TMEM80: variants seen among roughly 807,000 people sequenced by gnomAD.
TMEM80 encodes transmembrane protein 80.
A neutral mutation model predicts 13.6 loss-of-function variants in TMEM80; 16 were observed. The ratio of observed to expected loss-of-function variants is 1.17; its 90% CI spans 0.79 to 1.78. The LOEUF is 1.78. TMEM80 is among the 40% of genes most tolerant of loss of function. The pLI, the probability that TMEM80 is intolerant of heterozygous loss-of-function variation, is 0.00. For missense variants in TMEM80, 167 were observed against 184.6 expected (o/e 0.90, Z 0.55); for synonymous variants, 92 against 89.5 (o/e 1.03, Z -0.16).
At chr11:701,388 AGAGAC>A (rs1312266031) in intron 4 of TMEM80, among the ~76,000 whole-genome samples, 3 of 134,890 alleles carry the variant, frequency 2.2e-5, no homozygotes, top group Non-Finnish European at 4.7e-5. Context: ...TTTTTTTGGT[AGAGAC>A]GAGACAAGGT....
chr11:699,697 A>G lies in TMEM80; in HGVS notation c.40-445A>G, dbSNP rs1861355114. 2.5e-5 allele frequency: 4 copies of G among 156,960 alleles called. No homozygotes were observed. The South Asian group carries it at 7.4e-4, about 29-fold the overall frequency. The allele number at this position is 156,960 out of a possible 1,614,324, so 9.7% of individuals were successfully genotyped here. A position where few individuals can be genotyped will look rare whatever the true frequency, so the allele number is the denominator to read the frequency against. On this transcript the variant is annotated intron_variant, in intron 2 of 4. Coordinates refer to ENST00000397510, the MANE Select transcript of TMEM80 (RefSeq NM_001042463.3). Reference sequence around the variant, plus strand: ...CAGGAGGCGGAGGTTGCAGTGAGCCAAGATTGTGCCACTGCACAGTGTCCA... The same window carrying G: ...CAGGAGGCGGAGGTTGCAGTGAGCCGAGATTGTGCCACTGCACAGTGTCCA...
intron 4 of TMEM80, among the ~76,000 whole-genome samples, chr11:702,326 G>T (rs1861536095): frequency 6.6e-6 from 1 of 152,242 alleles, no homozygotes; most frequent in South Asian, 2.1e-4. Flanking sequence ...GCGGCACAGA[G>T]GCCCGGTTCT....
In TMEM80 at chr11:703,373, G is replaced by A. The variant is rs1861588016; in HGVS notation, c.*223G>A. 7.2e-7 allele frequency: 1 copy of A among 1,385,382 alleles called. No homozygotes were observed. Among genetic ancestry groups the A allele is most frequent in the East Asian group, 2.7e-5 (1 of 37,262 alleles). 85.8% of individuals were successfully genotyped at this position (1,385,382 alleles called of 1,614,324 possible). A position where few individuals can be genotyped will look rare whatever the true frequency, so the allele number is the denominator to read the frequency against. On this transcript the variant is annotated 3_prime_UTR_variant, in exon 5 of 5. Coordinates refer to ENST00000397510, the MANE Select transcript of TMEM80 (RefSeq NM_001042463.3). Reference sequence around the variant, plus strand: ...TTGGGAACAGCTGCGGGGAGGGTAGGGACCAGACAGAACTGCCTTCAAGAT... The same window carrying A: ...TTGGGAACAGCTGCGGGGAGGGTAGAGACCAGACAGAACTGCCTTCAAGAT...
downstream of TMEM80, chr11:705,017 G>A (rs1861653501): frequency 4.1e-6 from 1 of 241,108 alleles, no homozygotes; most frequent in African/African-American, 2.3e-5. Flanking sequence ...AACGGCAAAG[G>A]CTGTAAACCA....
chr11:700,054 CAG>C (rs772722672), intron 2 of TMEM80, 86 bp from the exon 3 acceptor site: 10 of 1,071,832 alleles, frequency 9.3e-6, no homozygotes, highest in African/African-American at 1.6e-5. Flanking sequence ...GGCCACCAAA[CAG>C]ATGACAGAAC....
At chr11:699,900 C>T in intron 2 of TMEM80, 2 of 531,566 alleles carry the variant, frequency 3.8e-6, no homozygotes, top group Non-Finnish European at 6.8e-6. Flanking sequence ...GGCTGCAGTG[C>T]ACAGACCGCA....
chr11:700,605 T>C lies in TMEM80; in HGVS notation c.134-10T>C. On this transcript the variant is annotated splice_polypyrimidine_tract_variant and intron_variant, in intron 3 of 4. Coordinates refer to ENST00000397510, the MANE Select transcript of TMEM80 (RefSeq NM_001042463.3). ...GTTACTTATGTTCCGTCCGCGCCTC[T>C]GCTCTTCAGGTCAGGTGTTCAGCTA... 6.2e-7 allele frequency: 1 copy of C among 1,613,166 alleles called. No individual in the cohort carries two copies. Among genetic ancestry groups the C allele is most frequent in the Non-Finnish European group, 8.5e-7 (1 of 1,179,258 alleles).
downstream of TMEM80, chr11:704,759 C>A: frequency 1.3e-6 from 1 of 767,978 alleles, no homozygotes; most frequent in Non-Finnish European, 1.9e-6. Flanking sequence ...AGAGGCCAGC[C>A]TGGACTGTCT....
At chr11:698,539 T>C (rs1861301702) in intron 1 of TMEM80, among the ~76,000 whole-genome samples, 1 of 152,154 alleles carries the variant, frequency 6.6e-6, no homozygotes. Context: ...CCACAGACAA[T>C]GAGAGCAGCT....
chr11:700,809 A>AT, intron 4 of TMEM80, 102 bp downstream of exon 4: 1 of 1,116,434 alleles, frequency 9.0e-7, no homozygotes. Flanking sequence ...TCTCAGAGAC[A>AT]TTTTTTATCC....
chr11:698,970 G>A (rs1484274971), intron 2 of TMEM80, 82 bp downstream of exon 2: 10 of 1,556,576 alleles, frequency 6.4e-6, no homozygotes, highest in African/African-American at 2.7e-5. Context: ...CTCACCCCAC[G>A]TTTTCCCTAA....
chr11:701,080 A>C (rs1446232726), intron 4 of TMEM80: 2 of 282,650 alleles, frequency 7.1e-6, no homozygotes, highest in Non-Finnish European at 1.4e-5. Context: ...AGAGCCCTGG[A>C]GAGTTCTGCC....
intron 4 of TMEM80, 61 bp downstream of exon 4, chr11:700,768 C>A: frequency 2.1e-6 from 3 of 1,419,128 alleles, no homozygotes; most frequent in South Asian, 1.1e-5. Flanking sequence ...GTTTCCACAG[C>A]CTTTCAAGAG....
chr11:696,806 G>A (rs1213687722), intron 1 of TMEM80, among the ~76,000 whole-genome samples: 2 of 149,254 alleles, frequency 1.3e-5, no homozygotes, highest in African/African-American at 4.9e-5. Flanking sequence ...AAGGCCAGGC[G>A]CAGTAGCTCA....
At chr11:704,412 G>A (rs891854123), downstream of TMEM80, 57 of 1,276,600 alleles carry the variant, frequency 4.5e-5, no homozygotes, top group African/African-American at 1.4e-4. Context: ...GTCCTGGGCC[G>A]ACTTCCTTTG....
Position 702,971 on chromosome 11 carries a change from G to A in TMEM80, c.253G>A (p.Glu85Lys). Residue 85 changes from glutamate to lysine, a missense_variant, in exon 5 of 5, where the codon GAG (glutamate) becomes AAG (lysine). Physicochemically the swap from Glu to Lys is moderately conservative, Grantham distance 56 (BLOSUM62 1). Transcript: ENST00000397510. ...CACCAGGGGCAACCTGACAGAGGCT[G>A]AGAGGCCGCTGGCCGCCAGCCTGGC... ...LGTRGNLTEA[E>K]RPLAASLALT... 6.2e-7 allele frequency: 1 copy of A among 1,610,160 alleles called. No individual in the cohort carries two copies.
chr11:705,009 C>T (rs991109094), downstream of TMEM80: 7 of 243,166 alleles, frequency 2.9e-5, no homozygotes, highest in South Asian at 2.8e-4. Context: ...GGAGATCAAA[C>T]GGCAAAGGCT....
At chr11:700,388 G>A (rs1267138675) in intron 3 of TMEM80, among the ~76,000 whole-genome samples, 153 bp downstream of exon 3, 4 of 151,990 alleles carry the variant, frequency 2.6e-5, no homozygotes, top group South Asian at 2.1e-4. Flanking sequence ...GTAGCCGGGC[G>A]TGGTGGTGGG....
Position 703,023 on chromosome 11 carries a change from C to T in TMEM80, c.305C>T (p.Ser102Phe), listed in dbSNP as rs1458649292. Residue 102 changes from serine (S) to phenylalanine (F), a missense_variant, in exon 5 of 5, where the codon TCT becomes TTT. Transcript: ENST00000397510. ...LALTAGTALL[S>F]AHFLLWQALV... The stretch of plus-strand genomic sequence containing the variant: ...CTCACGGCTGGCACCGCCCTCCTCT[C>T]TGCCCACTTCCTGCTTTGGCAGGCC... 6.2e-7 allele frequency: 1 copy of T among 1,612,716 alleles called. No homozygotes were observed.
Sources: allele counts gnomAD v4.1 joint callset (sites outside exome capture counted in the v4.1 genomes callset), GRCh38; gene constraint gnomAD v4.1.1; transcripts MANE v1.5; gene names NCBI Gene and HGNC (gene_info 2026-07-23, HGNC 2026-07-21).